IGSF21: variants seen among roughly 807,000 people sequenced by gnomAD.
IGSF21 encodes immunoglobulin superfamily member 21.
A neutral mutation model predicts 46.8 loss-of-function variants in IGSF21; 28 were observed. The ratio of observed to expected loss-of-function variants is 0.60; its 90% CI spans 0.44 to 0.82. The LOEUF (loss-of-function observed/expected upper bound fraction) is 0.82. Among genes scored for constraint, IGSF21 ranks in the 40% least tolerant of loss-of-function variants. The pLI is 0.00. For synonymous variants in IGSF21, 284 were observed against 273.6 expected (o/e 1.04, Z -0.38); for missense variants, 624 against 665.5 (o/e 0.94, Z 0.69).
intron 2 of IGSF21, among the ~76,000 whole-genome samples, chr1:18,233,095 A>G (rs1342516490): frequency 6.6e-6 from 1 of 152,200 alleles, no homozygotes; most frequent in Non-Finnish European, 1.5e-5. Flanking sequence ...AGCAGTTTTT[A>G]TCATCCCTCC....
rs1045508036 is a variant in IGSF21 at position 18,324,379 on chromosome 1, T to A, written c.306-10513T>A. ...CCTATCACTGAGCACGTACTCCACA[T>A]CCGCCTCTGGATGGATGCATAGGCT... On this transcript the variant is annotated intron_variant, in intron 3 of 9. Coordinates refer to ENST00000251296, the MANE Select transcript of IGSF21 (RefSeq NM_032880.5). 8.5e-5 allele frequency among the ~76,000 whole-genome samples: 13 copies of A among 152,158 alleles called. No homozygotes were observed. In the East Asian group the frequency reaches 2.5e-3, roughly 29 times the overall value.
At chr1:18,241,493 A>G (rs2084727486) in intron 2 of IGSF21, among the ~76,000 whole-genome samples, 1 of 152,186 alleles carries the variant, frequency 6.6e-6, no homozygotes, top group African/African-American at 2.4e-5. Flanking sequence ...TGGTTGAGTC[A>G]AACTTCAAAA....
chr1:18,192,142 C>G (rs542803666), intron 1 of IGSF21, among the ~76,000 whole-genome samples: 2 of 152,204 alleles, frequency 1.3e-5, no homozygotes, highest in Non-Finnish European at 2.9e-5. Flanking sequence ...GCATTTACCA[C>G]GTAAGCATCC....
At chr1:18,228,054 G>GGT (rs1365253028) in intron 2 of IGSF21, 44 bp downstream of exon 2, 1 of 1,454,470 alleles carries the variant, frequency 6.9e-7, no homozygotes, top group Non-Finnish European at 9.7e-7. Flanking sequence ...GGCCAGGACT[G>GGT]GTGTGAGGTC....
intron 1 of IGSF21, among the ~76,000 whole-genome samples, chr1:18,177,955 G>A (rs993651776): frequency 1.3e-5 from 2 of 152,076 alleles, no homozygotes; most frequent in Non-Finnish European, 2.9e-5. Context: ...AGGTGGGCAC[G>A]ATGGGGCGAG....
chr1:18,129,110 G>A (rs936585507), intron 1 of IGSF21, among the ~76,000 whole-genome samples: 18 of 152,178 alleles, frequency 1.2e-4, no homozygotes, highest in African/African-American at 4.3e-4. Context: ...GTAAGTCAGT[G>A]CTATGAATCG....
At chr1:18,306,335 A>T (rs1028580870) in intron 3 of IGSF21, among the ~76,000 whole-genome samples, 1 of 152,144 alleles carries the variant, frequency 6.6e-6, no homozygotes, top group African/African-American at 2.4e-5. Context: ...CCCTGGTGTC[A>T]GATCAAATGT....
chr1:18,175,368 C>A (rs931455643), intron 1 of IGSF21, among the ~76,000 whole-genome samples: 1 of 152,186 alleles, frequency 6.6e-6, no homozygotes, highest in South Asian at 2.1e-4. Flanking sequence ...AATACTAGGC[C>A]TCCCTATCTT....
chr1:18,166,594 C>T (rs1042939499), intron 1 of IGSF21, among the ~76,000 whole-genome samples: 1 of 152,170 alleles, frequency 6.6e-6, no homozygotes, highest in African/African-American at 2.4e-5. Flanking sequence ...CACCAGGGTT[C>T]AGTATGCTGC....
intron 4 of IGSF21, among the ~76,000 whole-genome samples, chr1:18,351,487 G>A (rs2085954387): frequency 6.6e-6 from 1 of 152,184 alleles, no homozygotes; most frequent in African/African-American, 2.4e-5. Context: ...AAGGGACAGA[G>A]GTTTTGCACG....
intron 2 of IGSF21, among the ~76,000 whole-genome samples, chr1:18,259,220 G>C (rs1307173126): frequency 6.6e-6 from 1 of 152,162 alleles, no homozygotes; most frequent in Non-Finnish European, 1.5e-5. Context: ...AGGCCAGCTT[G>C]GGTTTGCATC....
intron 3 of IGSF21, among the ~76,000 whole-genome samples, chr1:18,308,326 G>T (rs2085448290): frequency 6.6e-6 from 1 of 152,172 alleles, no homozygotes; most frequent in Non-Finnish European, 1.5e-5. Context: ...TTCTGGCCTT[G>T]AGACATCACT....
Position 18,253,775 on chromosome 1 carries a change from C to A in IGSF21, c.183+25765C>A, listed in dbSNP as rs552683631. Among the ~76,000 whole-genome samples, 3 of 152,254 alleles carry A rather than the reference C, an allele frequency of 2.0e-5. No individual in the cohort carries two copies. The East Asian group carries it at 5.8e-4, about 29-fold the overall frequency. On this transcript the variant is annotated intron_variant, in intron 2 of 9. Transcript: ENST00000251296. ...GGAACAACCCCGCACAGTCACTGGG[C>A]GCCTGCTTCCTAGAAGGCTCCAGAG...
intron 1 of IGSF21, among the ~76,000 whole-genome samples, chr1:18,119,343 A>G (rs2086213377): frequency 6.6e-6 from 1 of 152,234 alleles, no homozygotes; most frequent in Admixed American, 6.5e-5. Flanking sequence ...TGACATTTAA[A>G]TTAAAACTAA....
intron 2 of IGSF21, among the ~76,000 whole-genome samples, chr1:18,265,984 C>T (rs2084986076): frequency 6.6e-6 from 1 of 152,138 alleles, no homozygotes; most frequent in African/African-American, 2.4e-5. Context: ...GGATTTAATG[C>T]AGCCTTGATG....
intron 3 of IGSF21, among the ~76,000 whole-genome samples, chr1:18,306,741 G>T (rs1178441587): frequency 6.6e-6 from 1 of 152,212 alleles, no homozygotes; most frequent in African/African-American, 2.4e-5. Context: ...AGAGCCATAG[G>T]GTGAGCTGGC....
At chr1:18,249,082 G>A (rs972838579) in intron 2 of IGSF21, among the ~76,000 whole-genome samples, 1 of 152,196 alleles carries the variant, frequency 6.6e-6, no homozygotes, top group Non-Finnish European at 1.5e-5. Flanking sequence ...CAGACAGGGA[G>A]GAGGAAAGGA....
chr1:18,285,734 C>A (rs76686026), intron 2 of IGSF21, among the ~76,000 whole-genome samples: 7,552 of 152,252 alleles, frequency 0.05, 402 homozygotes, highest in African/African-American at 0.13. Flanking sequence ...CTGCTGCCAT[C>A]ATTGCAGTCC....
At chr1:18,356,546 G>T (rs2086020691) in intron 4 of IGSF21, among the ~76,000 whole-genome samples, 1 of 152,188 alleles carries the variant, frequency 6.6e-6, no homozygotes, top group Non-Finnish European at 1.5e-5. Flanking sequence ...TTGTATTTGG[G>T]ATTATTCTGG....
Sources: gnomAD v4.1 joint callset for allele counts (sites outside exome capture counted in the v4.1 genomes callset) on GRCh38, gnomAD v4.1.1 for gene constraint, MANE v1.5 for transcripts, NCBI Gene and HGNC (gene_info 2026-07-23, HGNC 2026-07-21) for gene names.